USP15: variants seen among roughly 807,000 people sequenced by gnomAD.
USP15 encodes the protein ubiquitin specific peptidase 15, also known as ubiquitin carboxyl-terminal hydrolase 15.
Under a neutral mutation model 127.1 loss-of-function variants are expected in USP15, and 18 were observed. The observed-to-expected ratio is 0.14, with a 90% CI of 0.10 to 0.21. The LOEUF (loss-of-function observed/expected upper bound fraction) is 0.21, where lower values mean the gene tolerates loss of function less well. Among genes scored for constraint, USP15 ranks in the 10% least tolerant of loss-of-function variants. The pLI, the probability that USP15 is intolerant of heterozygous loss-of-function variation, is 1.00. For missense variants in USP15, 805 were observed against 1,159.9 expected (o/e 0.69, Z 4.44); for synonymous variants, 364 against 393.7 (o/e 0.92, Z 0.89).
At chr12:62,329,585 C>T (rs1020022880) in intron 6 of USP15, among the ~76,000 whole-genome samples, 11 of 151,460 alleles carry the variant, frequency 7.3e-5, no homozygotes, top group African/African-American at 2.7e-4. Flanking sequence ...TTAAGAACTC[C>T]TAAAAGTTAA....
intron 8 of USP15, among the ~76,000 whole-genome samples, chr12:62,369,535 G>T (rs897592675): frequency 6.7e-6 from 1 of 150,322 alleles, no homozygotes; most frequent in Non-Finnish European, 1.5e-5. Context: ...TTTCACACAT[G>T]TGCCAGCTCT....
intron 8 of USP15, among the ~76,000 whole-genome samples, chr12:62,376,410 T>C (rs2066830285): frequency 6.6e-6 from 1 of 152,126 alleles, no homozygotes; most frequent in Non-Finnish European, 1.5e-5. Context: ...TAAACAAAAA[T>C]GTGGCTTAAG....
At chr12:62,392,682 T>A (rs902363040) in intron 18 of USP15, among the ~76,000 whole-genome samples, 8 of 152,132 alleles carry the variant, frequency 5.3e-5, no homozygotes, top group African/African-American at 1.9e-4. Context: ...GAGAGAAGCT[T>A]TTTAGGAAAA....
intron 8 of USP15, among the ~76,000 whole-genome samples, chr12:62,372,289 C>T (rs2066698328): frequency 6.6e-6 from 1 of 152,046 alleles, no homozygotes; most frequent in Non-Finnish European, 1.5e-5. Flanking sequence ...CCTGCAAATG[C>T]AGTCGATCTG....
intron 8 of USP15, among the ~76,000 whole-genome samples, chr12:62,378,795 A>AT (rs1349151732): frequency 6.6e-6 from 1 of 152,272 alleles, no homozygotes; most frequent in East Asian, 1.9e-4. Flanking sequence ...TTTTTCCTCC[A>AT]TTTAGTAAGT....
At chr12:62,288,298 T>C (rs766390634) in intron 1 of USP15, among the ~76,000 whole-genome samples, 1 of 151,710 alleles carries the variant, frequency 6.6e-6, no homozygotes, top group African/African-American at 2.4e-5. Flanking sequence ...GTTTTCCTTA[T>C]AGAGGTCTTT....
intron 6 of USP15, among the ~76,000 whole-genome samples, chr12:62,333,028 T>C (rs1401203184): frequency 6.6e-6 from 1 of 152,250 alleles, no homozygotes; most frequent in Non-Finnish European, 1.5e-5. Flanking sequence ...TAAACGTCTT[T>C]AGAAATTTTT....
At position 62,277,228 on chromosome 12, in the gene USP15, G is replaced by A. The variant is rs551222632; in HGVS notation, c.89+16725G>A. On this transcript the variant is annotated intron_variant, in intron 1 of 21. Coordinates refer to ENST00000280377, the MANE Select transcript of USP15 (RefSeq NM_001252078.2). The stretch of plus-strand genomic sequence containing the variant: ...TCCACAAGCAGACAATCTTTTTTAA[G>A]ATAAAATGTCATGTTTATTATGGTA... 7.9e-5 allele frequency among the ~76,000 whole-genome samples: 12 copies of A among 152,194 alleles called. No individual in the cohort carries two copies. In the South Asian group the frequency reaches 2.1e-3, roughly 26 times the overall value.
chr12:62,346,072 AAG>A lies in USP15; in HGVS notation c.684-3146_684-3145del, dbSNP rs548563585. ...TCGTTTCCTAACGTAAAAGAGAAAA[AAG>A]AGTGGTGTCATGAAAACAATGACTG... On this transcript the variant is annotated intron_variant, in intron 6 of 21. Transcript: ENST00000280377. 2.3e-3 allele frequency among the ~76,000 whole-genome samples: 349 copies of A among 152,292 alleles called. 3 individuals carry two copies. The highest frequency in any genetic ancestry group is 8.0e-3 in the African/African-American group (333 of 41,546).
chr12:62,313,099 G>A (rs1335141362), intron 3 of USP15, among the ~76,000 whole-genome samples: 1 of 151,474 alleles, frequency 6.6e-6, no homozygotes, highest in Admixed American at 6.6e-5. Flanking sequence ...AGTTTTCTGA[G>A]TAGTGATGAT....
chr12:62,316,161 C>G (rs1326798788), intron 4 of USP15, among the ~76,000 whole-genome samples: 1 of 151,752 alleles, frequency 6.6e-6, no homozygotes, highest in Non-Finnish European at 1.5e-5. Context: ...GGGTGTGCGC[C>G]TGTAGTCCCA....
At chr12:62,299,372 A>G (rs533990278) in intron 2 of USP15, among the ~76,000 whole-genome samples, 6 of 152,172 alleles carry the variant, frequency 3.9e-5, no homozygotes, top group East Asian at 3.9e-4. Context: ...CAGTCCCCCA[A>G]AGTACTGGGA....
rs1370389319 is a variant in USP15 at position 62,407,992 on chromosome 12, T to C, written c.*3617T>C. The C allele has an allele frequency of 1.3e-5, 2 of 152,204 alleles. No individual in the cohort carries two copies. Among genetic ancestry groups the C allele is most frequent in the Non-Finnish European group, 2.9e-5 (2 of 68,044 alleles). The allele number at this position is 152,204 out of a possible 1,614,324, so 9.4% of individuals were successfully genotyped here. A position where few individuals can be genotyped will look rare whatever the true frequency, so the allele number is the denominator to read the frequency against. ...TATCCTTGCTTTCCTGACAACTGGA[T>C]ATAAAACTACACAAAACATTGATTT... On this transcript the variant is annotated 3_prime_UTR_variant, in exon 22 of 22. Coordinates refer to ENST00000280377, the MANE Select transcript of USP15 (RefSeq NM_001252078.2).
intron 19 of USP15, among the ~76,000 whole-genome samples, chr12:62,393,421 T>A (rs1485375365): frequency 6.6e-6 from 1 of 152,168 alleles, no homozygotes; most frequent in Non-Finnish European, 1.5e-5. Context: ...AAATATACTT[T>A]AAAAAAATAA....
intron 8 of USP15, among the ~76,000 whole-genome samples, chr12:62,362,686 G>T (rs1049983705): frequency 6.6e-6 from 1 of 151,996 alleles, no homozygotes; most frequent in African/African-American, 2.4e-5. Flanking sequence ...TTTATTGAAG[G>T]TCTATTAGGT....
At chr12:62,396,255 G>A in intron 19 of USP15, 40 bp from the exon 20 acceptor site, 1 of 1,503,794 alleles carries the variant, frequency 6.6e-7, no homozygotes, top group African/African-American at 1.4e-5. Context: ...ATTGCATTTA[G>A]GGACAACATA....
intron 1 of USP15, among the ~76,000 whole-genome samples, chr12:62,289,027 A>G (rs149486444): frequency 2.6e-4 from 40 of 152,306 alleles, no homozygotes; most frequent in African/African-American, 9.6e-4. Flanking sequence ...TATATTCATC[A>G]GGAGATATTG....
chr12:62,390,006 C>A lies in USP15; in HGVS notation c.1844+18C>A. Reference sequence around the variant, plus strand: ...AGAATGTGGTAAGTGCCAGACAATTCTACATTGACAAAATAAATATGGGAA... The same window carrying A: ...AGAATGTGGTAAGTGCCAGACAATTATACATTGACAAAATAAATATGGGAA... On this transcript the variant is annotated intron_variant, in intron 14 of 21. Transcript: ENST00000280377. 6.5e-7 allele frequency: 1 copy of A among 1,543,444 alleles called. No homozygotes were observed. Among genetic ancestry groups the A allele is most frequent in the Non-Finnish European group, 8.7e-7 (1 of 1,144,684 alleles).
At chr12:62,281,398 A>G (rs139325805) in intron 1 of USP15, among the ~76,000 whole-genome samples, 3,206 of 152,136 alleles carry the variant, frequency 0.021, 106 homozygotes, top group African/African-American at 0.074. Flanking sequence ...GTGCAGTGGC[A>G]TGCTCTCAGC....
Sources: gnomAD v4.1 joint callset for allele counts (sites outside exome capture counted in the v4.1 genomes callset) on GRCh38, gnomAD v4.1.1 for gene constraint, MANE v1.5 for transcripts, NCBI Gene and HGNC (gene_info 2026-07-23, HGNC 2026-07-21) for gene names.